The following TSPAN13 variants were observed in gnomAD, a reference collection of about 807,000 sequenced individuals.
TSPAN13 encodes the protein tetraspanin 13, also known as tetraspanin-13.
Under a neutral mutation model 26.9 loss-of-function variants are expected in TSPAN13, and 18 were observed. That is an observed-to-expected ratio of 0.67 (90% CI 0.46 to 0.99). The LOEUF is 0.99. Ranked by LOEUF, TSPAN13 falls within the 50% of genes least tolerant of loss-of-function variation. TSPAN13 has a pLI of 0.00. For missense variants in TSPAN13, 201 were observed against 249.6 expected (o/e 0.81, Z 1.31); for synonymous variants, 116 against 98.4 (o/e 1.18, Z -1.06).
intron 1 of TSPAN13, among the ~76,000 whole-genome samples, chr7:16,765,394 G>A (rs1374289990): frequency 6.6e-6 from 1 of 152,328 alleles, no homozygotes; most frequent in African/African-American, 2.4e-5. Context: ...ATGAGCCACT[G>A]CGCCTGGCCT....
intron 1 of TSPAN13, among the ~76,000 whole-genome samples, chr7:16,758,240 A>G (rs1784504650): frequency 6.6e-6 from 1 of 152,174 alleles, no homozygotes; most frequent in Non-Finnish European, 1.5e-5. Flanking sequence ...TTCTGTTTTT[A>G]ATCTGTTAGA....
rs958170255 is a variant in TSPAN13 at position 16,778,753 on chromosome 7, T to C, written c.427-250T>C. ...GAGTCTTATCTGATGTAAGGTAACA[T>C]GGAAGTGACTGTCCTATCATATTCA... On this transcript the variant is annotated intron_variant, in intron 4 of 5. Coordinates refer to ENST00000262067, the MANE Select transcript of TSPAN13 (RefSeq NM_014399.4). 3.9e-5 allele frequency among the ~76,000 whole-genome samples: 6 copies of C among 152,186 alleles called. No individual in the cohort carries two copies. The South Asian group carries it at 1.2e-3, about 32-fold the overall frequency.
In TSPAN13 at chr7:16,776,017, G is replaced by A. The variant is rs2115334431; in HGVS notation, c.64-194G>A. 5 of 464,676 alleles carry A rather than the reference G, an allele frequency of 1.1e-5. No individual in the cohort carries two copies. In the East Asian group the frequency reaches 1.7e-4, roughly 15 times the overall value. 28.8% of individuals were successfully genotyped at this position (464,676 alleles called of 1,614,324 possible). A position where few individuals can be genotyped will look rare whatever the true frequency, so the allele number is the denominator to read the frequency against. ...TTTTGCAAGAATAAAGCACGCCTGG[G>A]GATTAATGTAATTTGTTAAAACAAT... On this transcript the variant is annotated intron_variant, in intron 1 of 5. Transcript: ENST00000262067.
At chr7:16,763,525 A>G (rs1045728246) in intron 1 of TSPAN13, among the ~76,000 whole-genome samples, 2 of 152,174 alleles carry the variant, frequency 1.3e-5, no homozygotes, top group African/African-American at 4.8e-5. Flanking sequence ...GCCTCTGCTC[A>G]GTTTCTTTTA....
At chr7:16,782,200 A>T (rs1339148955) in intron 5 of TSPAN13, among the ~76,000 whole-genome samples, 1 of 152,238 alleles carries the variant, frequency 6.6e-6, no homozygotes, top group Non-Finnish European at 1.5e-5. Context: ...TCCAAAACAG[A>T]TGACTTTCCA....
rs565779423 is a variant in TSPAN13 at position 16,757,765 on chromosome 7, T to C, written c.63+3735T>C. ...AAATTCTCATGCAGCATAAAAATTA[T>C]ACTGAATTACTTCATAAACACCTTA... On this transcript the variant is annotated intron_variant, in intron 1 of 5. Transcript: ENST00000262067. Among the ~76,000 whole-genome samples, 15 of 152,358 alleles carry C rather than the reference T, an allele frequency of 9.8e-5. No individual in the cohort carries two copies. In the East Asian group the frequency reaches 2.9e-3, roughly 29 times the overall value.
intron 1 of TSPAN13, among the ~76,000 whole-genome samples, chr7:16,754,359 C>T (rs1784458118): frequency 6.6e-6 from 1 of 152,214 alleles, no homozygotes. Flanking sequence ...CCACCCCGTA[C>T]CCTTCTGCCG....
chr7:16,782,108 T>C (rs1231704646), intron 5 of TSPAN13, among the ~76,000 whole-genome samples: 1 of 152,234 alleles, frequency 6.6e-6, no homozygotes, highest in Non-Finnish European at 1.5e-5. Flanking sequence ...TATATGAATT[T>C]GTAGTTTGTA....
rs1315916835 is a variant in TSPAN13 at position 16,783,408 on chromosome 7, C to T, written c.541-9C>T. The T allele has an allele frequency of 3.1e-6, 5 of 1,610,454 alleles. No individual in the cohort carries two copies. Among genetic ancestry groups the T allele is most frequent in the Non-Finnish European group, 4.2e-6 (5 of 1,178,470 alleles). ...TTTTCTTTACTTTATTTTTTTTTCCCCATTCCAGATCCTGGGTGTTTGGCT... is the reference window on the plus strand; with the variant it reads ...TTTTCTTTACTTTATTTTTTTTTCCTCATTCCAGATCCTGGGTGTTTGGCT... On this transcript the variant is annotated splice_polypyrimidine_tract_variant and intron_variant, in intron 5 of 5. Transcript: ENST00000262067.
rs1271256257 is a variant in TSPAN13 at position 16,753,779 on chromosome 7, G to C, written c.-189G>C. The C allele has an allele frequency of 2.1e-6, 1 of 480,350 alleles. No individual in the cohort carries two copies. Among genetic ancestry groups the C allele is most frequent in the Admixed American group, 4.5e-5 (1 of 22,228 alleles). The allele number at this position is 480,350 out of a possible 1,614,324, so 29.8% of individuals were successfully genotyped here. ...TCCGGCTCAGCTGCGGCGGCCGCAGGTTCCAAAGCGGGTCCGAGCCGCCGC... is the reference window on the plus strand; with the variant it reads ...TCCGGCTCAGCTGCGGCGGCCGCAGCTTCCAAAGCGGGTCCGAGCCGCCGC... On this transcript the variant is annotated 5_prime_UTR_variant, in exon 1 of 6. Transcript: ENST00000262067.
chr7:16,776,958 A>G (rs1784758372), intron 2 of TSPAN13, 84 bp from the exon 3 acceptor site: 1 of 841,446 alleles, frequency 1.2e-6, no homozygotes, highest in Non-Finnish European at 1.9e-6. Context: ...CTTCTTGTGC[A>G]TTCTAAAGTT....
chr7:16,777,739 C>T, intron 3 of TSPAN13, 59 bp from the exon 4 acceptor site: 1 of 1,320,562 alleles, frequency 7.6e-7, no homozygotes, highest in Non-Finnish European at 1.1e-6. Context: ...GTTACAGGCT[C>T]CAGCTTTATA....
At chr7:16,771,224 C>T (rs1053404523) in intron 1 of TSPAN13, among the ~76,000 whole-genome samples, 24 of 152,190 alleles carry the variant, frequency 1.6e-4, no homozygotes, top group African/African-American at 5.8e-4. Flanking sequence ...TCTGTGCTCA[C>T]TTACGTATTT....
chr7:16,756,781 T>A (rs1300422668), intron 1 of TSPAN13, among the ~76,000 whole-genome samples: 1 of 152,176 alleles, frequency 6.6e-6, no homozygotes, highest in Non-Finnish European at 1.5e-5. Flanking sequence ...TCTAAGAGAA[T>A]GACTTGCCTC....
intron 1 of TSPAN13, among the ~76,000 whole-genome samples, chr7:16,754,660 G>C (rs1229225226): frequency 6.6e-6 from 1 of 152,120 alleles, no homozygotes; most frequent in African/African-American, 2.4e-5. Flanking sequence ...TGTGTGTCTT[G>C]TCCATGATCA....
chr7:16,759,212 C>T (rs1219267347), intron 1 of TSPAN13, among the ~76,000 whole-genome samples: 1 of 152,096 alleles, frequency 6.6e-6, no homozygotes, highest in Non-Finnish European at 1.5e-5. Flanking sequence ...TTAGACTGTT[C>T]TTGCATTGCT....
chr7:16,777,942 A>C, intron 4 of TSPAN13, 31 bp downstream of exon 4: 3 of 1,495,102 alleles, frequency 2.0e-6, no homozygotes, highest in East Asian at 4.6e-5. Flanking sequence ...ATGTTTTTGG[A>C]AATGTATTAC....
chr7:16,776,255 C>G lies in TSPAN13; in HGVS notation c.108C>G (p.Gly36=). The change falls in exon 2 of 6, where the codon GGC becomes GGG. Residue 36 remains glycine, a synonymous_variant. Transcript: ENST00000262067. ...LLIGIAAWGI[G]FGLISSLRVV... is the part of the protein sequence containing the mutation. ...TTGGAATTGCTGCGTGGGGCATTGGCTTCGGGCTGATTTCCAGTCTCCGAG... is the reference window on the plus strand; with the variant it reads ...TTGGAATTGCTGCGTGGGGCATTGGGTTCGGGCTGATTTCCAGTCTCCGAG... 1 of 1,614,072 alleles carries G rather than the reference C, an allele frequency of 6.2e-7. No individual in the cohort carries two copies. The highest frequency in any genetic ancestry group is 8.5e-7 in the Non-Finnish European group (1 of 1,180,014).
At chr7:16,775,919 A>G (rs552925412) in intron 1 of TSPAN13, 7 of 279,136 alleles carry the variant, frequency 2.5e-5, no homozygotes, top group African/African-American at 1.5e-4. Context: ...AGTAGCATGC[A>G]TTTAGGCTCT....
Sources: gnomAD v4.1 joint callset for allele counts (sites outside exome capture counted in the v4.1 genomes callset) on GRCh38, gnomAD v4.1.1 for gene constraint, MANE v1.5 for transcripts, NCBI Gene and HGNC (gene_info 2026-07-23, HGNC 2026-07-21) for gene names.